The following PCDHGB4 variants were observed in gnomAD, a reference collection of about 807,000 sequenced individuals.
PCDHGB4 encodes the protein protocadherin gamma subfamily B, 4.
A neutral mutation model predicts 60.5 loss-of-function variants in PCDHGB4; 38 were observed. The observed-to-expected ratio is 0.63, with a 90% CI of 0.48 to 0.82. The LOEUF (loss-of-function observed/expected upper bound fraction) is 0.82. Ranked by LOEUF, PCDHGB4 falls within the 40% of genes least tolerant of loss-of-function variation. PCDHGB4 has a pLI of 0.00. For missense variants in PCDHGB4, 1,109 were observed against 1,209.6 expected (o/e 0.92, Z 1.23); for synonymous variants, 456 against 509.7 (o/e 0.89, Z 1.42).
chr5:141,444,325 C>G (rs2098432231), intron 1 of PCDHGB4, among the ~76,000 whole-genome samples: 1 of 151,840 alleles, frequency 6.6e-6, no homozygotes, highest in Non-Finnish European at 1.5e-5. Flanking sequence ...GCATGTGCCA[C>G]CACGCCCAGC....
chr5:141,491,666 G>T lies in PCDHGB4; in HGVS notation c.2398-3141G>T, dbSNP rs373526771. Reference sequence around the variant, plus strand: ...CTGGCGCTGGAGCCTGACGCCATCCGGTCCCGCTCTAATACGCTGCGGGAG... The same window carrying T: ...CTGGCGCTGGAGCCTGACGCCATCCTGTCCCGCTCTAATACGCTGCGGGAG... On this transcript the variant is annotated intron_variant, in intron 1 of 3. Transcript: ENST00000519479. This position sits in a 1 kb window ranked among gnomAD's most constrained non-coding sequence, Gnocchi z 6.9. 1.2e-6 allele frequency: 2 copies of T among 1,613,732 alleles called. No homozygotes were observed. Among genetic ancestry groups the T allele is most frequent in the Non-Finnish European group, 1.7e-6 (2 of 1,180,008 alleles).
At chr5:141,426,581 CCT>C (rs898552856) in intron 1 of PCDHGB4, 1 of 358,350 alleles carries the variant, frequency 2.8e-6, no homozygotes, top group Non-Finnish European at 5.6e-6. Flanking sequence ...TCTTCAAAAT[CCT>C]CTGTGTCATA....
intron 1 of PCDHGB4, among the ~76,000 whole-genome samples, chr5:141,492,854 G>A (rs1361942466): frequency 6.6e-6 from 1 of 152,212 alleles, no homozygotes; most frequent in Non-Finnish European, 1.5e-5. Flanking sequence ...AAAGCCTCGA[G>A]CGCCCTGGCT....
intron 1 of PCDHGB4, among the ~76,000 whole-genome samples, chr5:141,479,846 C>A (rs1350909064): frequency 1.3e-5 from 2 of 152,194 alleles, no homozygotes; most frequent in Admixed American, 6.5e-5. Context: ...TGCAAGGTGA[C>A]TGCAAGGCCT....
rs376569160 is a variant in PCDHGB4 at position 141,388,580 on chromosome 5, G to T, written c.696G>T (p.Val232=). ...LSSTAQIHVL[V]TDANDNAPVF... ...GCACTGCACAGATACACGTTCTAGT[G>T]ACTGATGCCAATGATAATGCTCCAG... Residue 232 remains valine (V), a synonymous_variant, in exon 1 of 4, where the codon GTG becomes GTT. Coordinates refer to ENST00000519479, the MANE Select transcript of PCDHGB4 (RefSeq NM_003736.4). The T allele has an allele frequency of 6.2e-7, 1 of 1,613,868 alleles. No homozygotes were observed. The highest frequency in any genetic ancestry group is 1.7e-5 in the Admixed American group (1 of 60,018).
chr5:141,415,755 T>G (rs753465209), intron 1 of PCDHGB4: 41 of 1,387,576 alleles, frequency 3.0e-5, no homozygotes, highest in Middle Eastern at 2.6e-4. Flanking sequence ...TTTTTTTTTT[T>G]TTTTTTTTTT....
intron 1 of PCDHGB4, among the ~76,000 whole-genome samples, chr5:141,484,720 G>A (rs1458277947): frequency 2.6e-5 from 4 of 151,988 alleles, no homozygotes; most frequent in African/African-American, 7.2e-5. Flanking sequence ...GAAAAGGGGC[G>A]GGGTCAGTCG....
chr5:141,423,551 A>T, intron 1 of PCDHGB4: 2 of 1,613,616 alleles, frequency 1.2e-6, no homozygotes, highest in Non-Finnish European at 1.7e-6. Context: ...CCCCAGCCCA[A>T]CTATGGGGAC....
chr5:141,489,546 C>T lies in PCDHGB4; in HGVS notation c.2398-5261C>T, dbSNP rs1404605129. ...GCCTATGTGGAGCCAGCACCAGCTGCCTGCTGCCAGTGCAGGTGGTGACTG... is the reference window on the plus strand; with the variant it reads ...GCCTATGTGGAGCCAGCACCAGCTGTCTGCTGCCAGTGCAGGTGGTGACTG... On this transcript the variant is annotated intron_variant, in intron 1 of 3. Coordinates refer to ENST00000519479, the MANE Select transcript of PCDHGB4 (RefSeq NM_003736.4). The surrounding 1 kb of genome is among the most constrained non-coding windows in gnomAD (Gnocchi z 4.5). 2 of 1,614,076 alleles carry T rather than the reference C, an allele frequency of 1.2e-6. No homozygotes were observed. The highest frequency in any genetic ancestry group is 2.2e-5 in the East Asian group (1 of 44,868).
chr5:141,494,909 T>G (rs764123148), intron 2 of PCDHGB4, 44 bp downstream of exon 2: 1 of 1,614,042 alleles, frequency 6.2e-7, no homozygotes, highest in Admixed American at 1.7e-5. Flanking sequence ...CTGCGGCATT[T>G]TCTCAGGGAT....
chr5:141,500,384 T>C (rs956708207), intron 2 of PCDHGB4, among the ~76,000 whole-genome samples: 1 of 151,894 alleles, frequency 6.6e-6, no homozygotes, highest in African/African-American at 2.4e-5. Context: ...AATTATTTTG[T>C]ATTTTTAGTA....
intron 3 of PCDHGB4, among the ~76,000 whole-genome samples, chr5:141,506,417 A>C (rs1326078146): frequency 6.8e-6 from 1 of 147,658 alleles, no homozygotes; most frequent in Non-Finnish European, 1.5e-5. Context: ...ACTGCACTCC[A>C]GCCTGGGCAA....
chr5:141,403,210 C>A (rs369033480), intron 1 of PCDHGB4: 2 of 1,613,828 alleles, frequency 1.2e-6, no homozygotes, highest in African/African-American at 2.7e-5. Context: ...CCTTGGTCAC[C>A]GCGGGTAGGA....
In PCDHGB4 at chr5:141,431,135, A is replaced by T. The variant is rs140069213; in HGVS notation, c.2397+40854A>T. On this transcript the variant is annotated intron_variant, in intron 1 of 3. Transcript: ENST00000519479. This position sits in a 1 kb window ranked among gnomAD's most constrained non-coding sequence, Gnocchi z 4.8. ...TGGAGTAGAAGTAGAAGTAAGGGAC[A>T]TTAACGACAATGCGCCTTACTTTCG... 1 of 1,614,266 alleles carries T rather than the reference A, an allele frequency of 6.2e-7. No homozygotes were observed. Among genetic ancestry groups the T allele is most frequent in the African/African-American group, 1.3e-5 (1 of 75,078 alleles).
Position 141,487,272 on chromosome 5 carries a change from T to C in PCDHGB4, c.2398-7535T>C. 6.2e-7 allele frequency: 1 copy of C among 1,614,148 alleles called. No homozygotes were observed. The highest frequency in any genetic ancestry group is 8.5e-7 in the Non-Finnish European group (1 of 1,180,036). Reference sequence around the variant, plus strand: ...TACTTGGCTGTGTCCCTAGTGGCAATTTGCTTTGTCTCCTTTGGCTCATTC... The same window carrying C: ...TACTTGGCTGTGTCCCTAGTGGCAACTTGCTTTGTCTCCTTTGGCTCATTC... On this transcript the variant is annotated intron_variant, in intron 1 of 3. Coordinates refer to ENST00000519479, the MANE Select transcript of PCDHGB4 (RefSeq NM_003736.4). This position sits in a 1 kb window ranked among gnomAD's most constrained non-coding sequence, Gnocchi z 5.0.
chr5:141,495,752 C>G (rs1310125902), intron 2 of PCDHGB4, among the ~76,000 whole-genome samples: 1 of 152,150 alleles, frequency 6.6e-6, no homozygotes, highest in Non-Finnish European at 1.5e-5. Flanking sequence ...TTCTCTATCT[C>G]TGCCTCCCTG....
chr5:141,491,567 C>T lies in PCDHGB4; in HGVS notation c.2398-3240C>T, dbSNP rs2099721325. On this transcript the variant is annotated intron_variant, in intron 1 of 3. Transcript: ENST00000519479. The surrounding 1 kb of genome is among the most constrained non-coding windows in gnomAD (Gnocchi z 6.9). ...GACTCGCAGAGCCACTGCTACAGGACGTGCTTTTCACCGGCCTCGGACGGC... is the reference window on the plus strand; with the variant it reads ...GACTCGCAGAGCCACTGCTACAGGATGTGCTTTTCACCGGCCTCGGACGGC... 1.9e-6 allele frequency: 3 copies of T among 1,614,004 alleles called. No individual in the cohort carries two copies. The highest frequency in any genetic ancestry group is 2.5e-6 in the Non-Finnish European group (3 of 1,180,034).
intron 1 of PCDHGB4, among the ~76,000 whole-genome samples, chr5:141,463,209 A>G (rs1189251811): frequency 6.6e-6 from 1 of 152,140 alleles, no homozygotes; most frequent in African/African-American, 2.4e-5. Flanking sequence ...TTGGGGATCC[A>G]TATTAATATT....
intron 1 of PCDHGB4, among the ~76,000 whole-genome samples, chr5:141,470,459 AT>A: frequency 6.6e-6 from 1 of 152,096 alleles, no homozygotes; most frequent in East Asian, 1.9e-4. Flanking sequence ...CTTGAATAGG[AT>A]TTTCTGATAT....
Sources: allele counts gnomAD v4.1 joint callset (sites outside exome capture counted in the v4.1 genomes callset), GRCh38; gene constraint gnomAD v4.1.1; non-coding constraint Gnocchi (gnomAD v3.1); transcripts MANE v1.5; gene names NCBI Gene and HGNC (gene_info 2026-07-23, HGNC 2026-07-21).